RIMS2: variants seen among roughly 807,000 people sequenced by gnomAD.
RIMS2 encodes the protein regulating synaptic membrane exocytosis 2.
RIMS2 carries 59 observed loss-of-function variants against 174.4 expected under a neutral mutation model. The observed-to-expected ratio is 0.34, with a 90% CI of 0.27 to 0.42. The LOEUF (loss-of-function observed/expected upper bound fraction) is 0.42. RIMS2 is among the 10% of genes least tolerant of loss of function. The pLI is 1.00. For synonymous variants in RIMS2, 606 were observed against 572.5 expected, an observed-to-expected ratio of 1.06 and a Z score of -0.84; for missense variants, 1,620 against 1,666.3, an observed-to-expected ratio of 0.97 and a Z score of 0.48.
rs559130830 is a variant in RIMS2, at chr8:103,870,357, A to G, written c.699-14941A>G. On this transcript the variant is annotated intron_variant, in intron 3 of 23. Coordinates refer to ENST00000504942, the Ensembl canonical transcript of RIMS2. ...TAGCTAAACCACTCTTATCACCACC[A>G]CCACCATCACCACCACCACCACCAG... 1.6e-3 allele frequency among the ~76,000 whole-genome samples: 238 copies of G among 151,754 alleles called. 4 individuals carry two copies. The highest frequency in any genetic ancestry group is 3.4e-3 in the Middle Eastern group (1 of 294).
intron 3 of RIMS2, among the ~76,000 whole-genome samples, chr8:103,803,884 A>C (rs765822605): frequency 1.3e-5 from 2 of 152,198 alleles, no homozygotes; most frequent in African/African-American, 4.8e-5. Context: ...AGGCATGCCA[A>C]CAATCACATG....
intron 4 of RIMS2, among the ~76,000 whole-genome samples, chr8:103,899,244 G>T (rs1272285773): frequency 2.0e-5 from 3 of 151,688 alleles, no homozygotes; most frequent in African/African-American, 7.3e-5. Flanking sequence ...CCCAGTAATG[G>T]GATGGCTGGG....
At chr8:103,640,683 A>G (rs2135513596) in intron 1 of RIMS2, among the ~76,000 whole-genome samples, 1 of 152,032 alleles carries the variant, frequency 6.6e-6, no homozygotes, top group Middle Eastern at 3.4e-3. Flanking sequence ...TGTGCTGTTA[A>G]TTTATAATTT....
At chr8:103,602,575 G>C (rs766149180) in intron 1 of RIMS2, among the ~76,000 whole-genome samples, 3 of 152,120 alleles carry the variant, frequency 2.0e-5, no homozygotes, top group East Asian at 1.9e-4. Context: ...TTCTGTTCTT[G>C]CATTAGTTTG....
chr8:103,575,711 A>G (rs2093180171), intron 1 of RIMS2, among the ~76,000 whole-genome samples: 1 of 141,312 alleles, frequency 7.1e-6, no homozygotes, highest in Non-Finnish European at 1.5e-5. Context: ...CACATACAGC[A>G]CTGAGATTAT....
At position 103,503,978 on chromosome 8, in the gene RIMS2, G is replaced by A. The variant is rs1013383477; in HGVS notation, c.176+2916G>A. Among the ~76,000 whole-genome samples the A allele has an allele frequency of 2.0e-5, 3 of 152,096 alleles. No homozygotes were observed. In the South Asian group the frequency reaches 6.2e-4, roughly 32 times the overall value. On this transcript the variant is annotated intron_variant, in intron 1 of 23. Transcript: ENST00000504942. ...CAAAGTCCAGCTGAACATCCACATAGGAAGTCTATCATCATCAAATAATAC... is the reference window on the plus strand; with the variant it reads ...CAAAGTCCAGCTGAACATCCACATAAGAAGTCTATCATCATCAAATAATAC...
chr8:103,819,568 T>G (rs1481394943), intron 3 of RIMS2: 1 of 1,613,588 alleles, frequency 6.2e-7, no homozygotes, highest in African/African-American at 1.3e-5. Flanking sequence ...TCATGGGGTT[T>G]TTTCATCCCC....
At chr8:103,587,219 T>C (rs189647193) in intron 1 of RIMS2, among the ~76,000 whole-genome samples, 59 of 152,036 alleles carry the variant, frequency 3.9e-4, no homozygotes, top group African/African-American at 1.3e-3. Context: ...ATAAAAATTC[T>C]TTCAGTAAAG....
chr8:104,129,314 G>A (rs2132817423), intron 19 of RIMS2, among the ~76,000 whole-genome samples: 1 of 152,248 alleles, frequency 6.6e-6, no homozygotes, highest in African/African-American at 2.4e-5. Flanking sequence ...GAGCAAAGGA[G>A]TTTGAGGTTA....
chr8:103,904,916 G>A (rs902919200), intron 4 of RIMS2, among the ~76,000 whole-genome samples: 1 of 151,618 alleles, frequency 6.6e-6, no homozygotes, highest in Non-Finnish European at 1.5e-5. Context: ...CTTTTTGTAG[G>A]TTTTTTTGTG....
At chr8:104,131,840 C>T (rs1428682827) in intron 19 of RIMS2, among the ~76,000 whole-genome samples, 1 of 152,058 alleles carries the variant, frequency 6.6e-6, no homozygotes, top group Non-Finnish European at 1.5e-5. Context: ...TGGCAAATAC[C>T]TTTATGTAAA....
At chr8:104,211,973 G>C (rs1389580120) in intron 19 of RIMS2, among the ~76,000 whole-genome samples, 1 of 150,082 alleles carries the variant, frequency 6.7e-6, no homozygotes, top group Non-Finnish European at 1.5e-5. Context: ...ACAAGAGGAG[G>C]CACACGGTAA....
chr8:104,071,959 T>C (rs566039257), intron 19 of RIMS2, among the ~76,000 whole-genome samples: 8 of 152,194 alleles, frequency 5.3e-5, no homozygotes, highest in Non-Finnish European at 1.2e-4. Flanking sequence ...CCTTTAATAA[T>C]GTCTGACAAA....
At chr8:104,064,805 CA>C (rs1188045688) in intron 19 of RIMS2, among the ~76,000 whole-genome samples, 20 of 151,850 alleles carry the variant, frequency 1.3e-4, no homozygotes, top group African/African-American at 4.1e-4. Context: ...ATGTATTTGT[CA>C]AAGAAATTGG....
At chr8:104,113,879 A>AT (rs2098237100) in intron 19 of RIMS2, among the ~76,000 whole-genome samples, 1 of 151,882 alleles carries the variant, frequency 6.6e-6, no homozygotes. Context: ...CAATTCAGTT[A>AT]TTTTTTTAAA....
At chr8:103,665,098 G>T (rs2096652076) in intron 1 of RIMS2, among the ~76,000 whole-genome samples, 2 of 152,188 alleles carry the variant, frequency 1.3e-5, no homozygotes, top group African/African-American at 4.8e-5. Flanking sequence ...GACACAGGGT[G>T]GGGAACATCA....
At chr8:104,049,145 C>T (rs1597738538) in intron 19 of RIMS2, among the ~76,000 whole-genome samples, 2 of 150,238 alleles carry the variant, frequency 1.3e-5, no homozygotes, top group South Asian at 4.2e-4. Context: ...AAAAAAAAGG[C>T]CGGGCGGTGG....
chr8:103,797,355 G>A (rs1440210006), intron 3 of RIMS2, among the ~76,000 whole-genome samples: 1 of 152,206 alleles, frequency 6.6e-6, no homozygotes, highest in Non-Finnish European at 1.5e-5. Context: ...CAAACAACTT[G>A]AGAGCATACT....
At chr8:104,229,154 T>C (rs1183727925) in intron 19 of RIMS2, among the ~76,000 whole-genome samples, 2 of 152,222 alleles carry the variant, frequency 1.3e-5, no homozygotes, top group African/African-American at 2.4e-5. Flanking sequence ...TGTAGAAACA[T>C]CTTATATATA....
Sources: allele counts gnomAD v4.1 joint callset (sites outside exome capture counted in the v4.1 genomes callset), GRCh38; gene constraint gnomAD v4.1.1; transcripts MANE v1.5; gene names NCBI Gene and HGNC (gene_info 2026-07-23, HGNC 2026-07-21).